IKZF1: variants seen among roughly 807,000 people sequenced by gnomAD.
The protein encoded by IKZF1 is IKAROS family zinc finger 1, also known as DNA-binding protein Ikaros.
A neutral mutation model predicts 51.7 loss-of-function variants in IKZF1; 10 were observed. That is an observed-to-expected ratio of 0.19 (90% confidence interval 0.12 to 0.33). The LOEUF (loss-of-function observed/expected upper bound fraction) is 0.33. Among genes scored for constraint, IKZF1 ranks in the 10% least tolerant of loss-of-function variants. IKZF1 has a pLI of 1.00. For missense variants in IKZF1, 484 were observed against 707.5 expected, an observed-to-expected ratio of 0.68 and a Z score of 3.58; for synonymous variants, 280 against 282.3, an observed-to-expected ratio of 0.99 and a Z score of 0.08.
At position 50,304,844 on chromosome 7, in the gene IKZF1, C is replaced by T. The variant is rs1470054832; in HGVS notation, c.-93C>T. 6.6e-6 allele frequency: 1 copy of T among 152,620 alleles called. No homozygotes were observed. Among genetic ancestry groups the T allele is most frequent in the African/African-American group, 2.4e-5 (1 of 41,428 alleles). 9.5% of individuals were successfully genotyped at this position (152,620 alleles called of 1,614,324 possible). ...GGCGAGGCGGGCAAGCCTGGCAGGG[C>T]AGAGGGAGCCCCGGCTCCGAGGTTG... On this transcript the variant is annotated 5_prime_UTR_variant, in exon 1 of 8. Coordinates refer to ENST00000331340, the MANE Select transcript of IKZF1 (RefSeq NM_006060.6).
At chr7:50,377,943 C>T (rs529390542) in intron 4 of IKZF1, among the ~76,000 whole-genome samples, 59 of 152,296 alleles carry the variant, frequency 3.9e-4, no homozygotes, top group Admixed American at 1.5e-3. Flanking sequence ...GTTGAAAATC[C>T]TATTTTAAAG....
intron 1 of IKZF1, among the ~76,000 whole-genome samples, chr7:50,317,905 C>T (rs1020317746): frequency 2.0e-5 from 3 of 152,212 alleles, no homozygotes; most frequent in Non-Finnish European, 4.4e-5. Flanking sequence ...CTCAGATCCA[C>T]ACATCTGAAC....
At chr7:50,316,215 C>T (rs529230196) in intron 1 of IKZF1, among the ~76,000 whole-genome samples, 8 of 152,012 alleles carry the variant, frequency 5.3e-5, no homozygotes, top group Non-Finnish European at 8.8e-5. Context: ...CAGTGCAGAC[C>T]GAAAACTTGA....
intron 3 of IKZF1, among the ~76,000 whole-genome samples, chr7:50,341,169 A>G (rs1798981041): frequency 7.5e-6 from 1 of 133,858 alleles, no homozygotes; most frequent in South Asian, 2.6e-4. Context: ...TTTTAGACAG[A>G]GTTTCACTCT....
chr7:50,369,663 CTCTTT>C (rs1808075255), intron 3 of IKZF1: 2 of 398,102 alleles, frequency 5.0e-6, no homozygotes, highest in African/African-American at 2.1e-5. Flanking sequence ...CCCTCAACAC[CTCTTT>C]TCTTCTTGAA....
chr7:50,360,916 T>G (rs1805019217), intron 3 of IKZF1, among the ~76,000 whole-genome samples: 1 of 152,282 alleles, frequency 6.6e-6, no homozygotes. Context: ...CTGCCCGCCG[T>G]GTGACCCACA....
At chr7:50,385,170 G>A (rs1184691299) in intron 5 of IKZF1, among the ~76,000 whole-genome samples, 2 of 152,200 alleles carry the variant, frequency 1.3e-5, no homozygotes, top group Non-Finnish European at 2.9e-5. Flanking sequence ...TGGATGCAGG[G>A]CTGCTGGGGA....
At chr7:50,317,538 G>T (rs1055210955) in intron 1 of IKZF1, among the ~76,000 whole-genome samples, 24 of 152,068 alleles carry the variant, frequency 1.6e-4, no homozygotes, top group Non-Finnish European at 8.8e-5. Context: ...TCTGGCTTCC[G>T]TGTGCTGGTG....
intron 1 of IKZF1, among the ~76,000 whole-genome samples, chr7:50,315,647 T>C (rs1442928831): frequency 2.0e-5 from 3 of 152,258 alleles, no homozygotes; most frequent in Non-Finnish European, 4.4e-5. Context: ...CCAGGCAAAG[T>C]AGAAAACTGC....
intron 3 of IKZF1, chr7:50,328,250 AAAATC>A (rs1795587859): frequency 6.6e-6 from 1 of 152,572 alleles, no homozygotes; most frequent in Non-Finnish European, 1.5e-5. Context: ...ATGTTAGAAA[AAAATC>A]AAAGCACACA....
At chr7:50,392,472 A>G (rs1815412012) in intron 7 of IKZF1, among the ~76,000 whole-genome samples, 1 of 152,132 alleles carries the variant, frequency 6.6e-6, no homozygotes, top group South Asian at 2.1e-4. Flanking sequence ...CAACACCACC[A>G]TCCAGCCAGA....
chr7:50,351,849 C>T (rs777829983), intron 3 of IKZF1, among the ~76,000 whole-genome samples: 20 of 152,106 alleles, frequency 1.3e-4, no homozygotes, highest in Admixed American at 3.3e-4. Context: ...TTCCTAGAAC[C>T]TACTAACAAT....
intron 1 of IKZF1, among the ~76,000 whole-genome samples, chr7:50,305,286 TTTTTATACTATAA>T (rs1788519107): frequency 6.6e-6 from 1 of 152,222 alleles, no homozygotes; most frequent in South Asian, 2.1e-4. Flanking sequence ...GGGAGCTTTC[TTTTTATACTATAA>T]ATATGATGAG....
chr7:50,389,856 C>A (rs1185560890), intron 6 of IKZF1, among the ~76,000 whole-genome samples: 1 of 152,198 alleles, frequency 6.6e-6, no homozygotes, highest in African/African-American at 2.4e-5. Context: ...CTCTCCTCCT[C>A]TGTTCCCCTC....
At chr7:50,320,659 T>C (rs187140059) in intron 2 of IKZF1, among the ~76,000 whole-genome samples, 1 of 152,312 alleles carries the variant, frequency 6.6e-6, no homozygotes, top group East Asian at 1.9e-4. Context: ...ATTTGTTAGT[T>C]TCCACATGTG....
chr7:50,379,072 A>T (rs550289532), intron 4 of IKZF1, among the ~76,000 whole-genome samples: 2 of 152,342 alleles, frequency 1.3e-5, no homozygotes, highest in African/African-American at 4.8e-5. Flanking sequence ...AGAGCATGTA[A>T]ATCACCTGAG....
At chr7:50,373,834 C>T (rs1314162944) in intron 3 of IKZF1, among the ~76,000 whole-genome samples, 1 of 152,180 alleles carries the variant, frequency 6.6e-6, no homozygotes, top group East Asian at 1.9e-4. Flanking sequence ...GGTCATTAAG[C>T]ACCATTGCCT....
At chr7:50,362,012 T>C (rs1397879785) in intron 3 of IKZF1, among the ~76,000 whole-genome samples, 2 of 152,214 alleles carry the variant, frequency 1.3e-5, no homozygotes, top group African/African-American at 4.8e-5. Flanking sequence ...TCTATCTTAA[T>C]TAGTTCACTG....
intron 4 of IKZF1, among the ~76,000 whole-genome samples, chr7:50,381,916 T>G (rs530071911): frequency 6.6e-6 from 1 of 152,274 alleles, no homozygotes; most frequent in Non-Finnish European, 1.5e-5. Context: ...CTTTCTCTCA[T>G]CCTCACGCTC....
Sources: allele counts gnomAD v4.1 joint callset (sites outside exome capture counted in the v4.1 genomes callset), GRCh38; gene constraint gnomAD v4.1.1; transcripts MANE v1.5; gene names NCBI Gene and HGNC (gene_info 2026-07-23, HGNC 2026-07-21).